BBS5: variants seen among roughly 807,000 people sequenced by gnomAD.
BBS5 encodes Bardet-Biedl syndrome 5, also known as BBSome complex member BBS5.
In BBS5, 39 loss-of-function variants were observed where a neutral mutation model predicts 50.2. The ratio of observed to expected loss-of-function variants is 0.78; its 90% CI spans 0.60 to 1.01. The LOEUF (loss-of-function observed/expected upper bound fraction) is 1.01. Ranked by LOEUF, BBS5 falls within the 50% of genes least tolerant of loss-of-function variation. The probability of loss-of-function intolerance (pLI) is 0.00; values close to 1 mark genes in which losing one functional copy is unlikely to be tolerated. For synonymous variants in BBS5, 134 were observed against 133.1 expected (o/e 1.01, Z -0.05); for missense variants, 356 against 401.5 (o/e 0.89, Z 0.97).
At position 169,504,553 on chromosome 2, in the gene BBS5, C is replaced by T. The variant is rs1683866639; in HGVS notation, c.997C>T (p.Leu333=). The T allele has an allele frequency of 6.2e-7, 1 of 1,613,520 alleles. No individual in the cohort carries two copies. The highest frequency in any genetic ancestry group is 8.5e-7 in the Non-Finnish European group (1 of 1,179,476). Residue 333 remains leucine, a synonymous_variant, in exon 12 of 12, where the codon CTA becomes TTA. Coordinates refer to ENST00000295240, the MANE Select transcript of BBS5 (RefSeq NM_152384.3). ...AGAGAAATTGAAGGATGGATTCACC[C>T]TACAGGGACTTTGGGAAGTAATGAG... ...AIEKLKDGFT[L]QGLWEVMS
chr2:169,497,644 A>G lies in BBS5; in HGVS notation c.636A>G (p.Arg212=). 2 of 1,596,384 alleles carry G rather than the reference A, an allele frequency of 1.3e-6. No individual in the cohort carries two copies. Among genetic ancestry groups the G allele is most frequent in the Non-Finnish European group, 1.7e-6 (2 of 1,164,292 alleles). The change falls in exon 8 of 12, where the codon AGA becomes AGG. Residue 212 remains arginine (R), a synonymous_variant. Coordinates refer to ENST00000295240, the MANE Select transcript of BBS5 (RefSeq NM_152384.3). ...GTATCTAGCGTTCAATAAAGATTAG[A>G]GATTCAAAATTTGGTTTAGCTCTTG... The part of the protein sequence containing the change: ...PYLQIRSIKI[R]DSKFGLALVI...
intron 5 of BBS5, among the ~76,000 whole-genome samples, chr2:169,491,738 C>T (rs1683605586): frequency 6.6e-6 from 1 of 151,844 alleles, no homozygotes; most frequent in Admixed American, 6.6e-5. Context: ...AGTACAGATT[C>T]ATTCTAGTTT....
At chr2:169,479,708 C>A in intron 1 of BBS5, 96 bp downstream of exon 1, 2 of 1,374,026 alleles carry the variant, frequency 1.5e-6, no homozygotes, top group Middle Eastern at 1.9e-4. Flanking sequence ...CTCCGCAGCT[C>A]GCGGCCCTGG....
At chr2:169,501,562 C>T (rs1024648603) in intron 9 of BBS5, among the ~76,000 whole-genome samples, 2 of 152,018 alleles carry the variant, frequency 1.3e-5, no homozygotes, top group Admixed American at 6.6e-5. Flanking sequence ...CATAGTGACA[C>T]CCTGTCTCTA....
intron 3 of BBS5, 135 bp from the exon 4 acceptor site, chr2:169,487,671 C>A: frequency 1.7e-6 from 1 of 583,116 alleles, no homozygotes; most frequent in Non-Finnish European, 2.9e-6. Flanking sequence ...TTCTTTAAAA[C>A]TTTTAAAAGT....
chr2:169,485,553 A>G (rs925557839), intron 2 of BBS5, among the ~76,000 whole-genome samples: 2 of 151,758 alleles, frequency 1.3e-5, no homozygotes, highest in Non-Finnish European at 2.9e-5. Context: ...CCCACCCCCA[A>G]CTCTACTGCC....
At chr2:169,494,684 A>G (rs1335689272) in intron 7 of BBS5, among the ~76,000 whole-genome samples, 1 of 152,230 alleles carries the variant, frequency 6.6e-6, no homozygotes, top group Non-Finnish European at 1.5e-5. Context: ...ACTCAGTGAA[A>G]CAAACTGTAA....
chr2:169,487,245 A>T (rs533687485), intron 3 of BBS5, 111 bp downstream of exon 3: 4 of 760,026 alleles, frequency 5.3e-6, no homozygotes, highest in Non-Finnish European at 8.9e-6. Flanking sequence ...AAAATAAAAA[A>T]CCTTCAGAAA....
chr2:169,487,248 T>G, intron 3 of BBS5, 114 bp downstream of exon 3: 3 of 754,556 alleles, frequency 4.0e-6, no homozygotes, highest in Non-Finnish European at 6.8e-6. Context: ...ATAAAAAACC[T>G]TCAGAAATCC....
At chr2:169,501,243 A>C (rs1683795544) in intron 9 of BBS5, among the ~76,000 whole-genome samples, 1 of 152,218 alleles carries the variant, frequency 6.6e-6, no homozygotes, top group Admixed American at 6.5e-5. Flanking sequence ...AAAACTTTGA[A>C]GTATTCCTTC....
rs988585212 is a variant in BBS5 at position 169,479,544 on chromosome 2, C to T, written c.-10C>T. 3.7e-6 allele frequency: 6 copies of T among 1,614,046 alleles called. No homozygotes were observed. In the Admixed American group the frequency reaches 6.7e-5, roughly 18 times the overall value. The stretch of plus-strand genomic sequence containing the variant: ...GCTGTGGAGAGATCCTGCCACGGGC[C>T]TTGTTCACCATGTCGGTGCTGGATG... On this transcript the variant is annotated 5_prime_UTR_variant, in exon 1 of 12. Transcript: ENST00000295240.
intron 5 of BBS5, among the ~76,000 whole-genome samples, chr2:169,489,017 G>A (rs1305554664): frequency 2.0e-5 from 3 of 151,868 alleles, no homozygotes; most frequent in Admixed American, 6.6e-5. Flanking sequence ...ATAGAGGTAG[G>A]GTCCTGCTTT....
chr2:169,493,022 G>A lies in BBS5; in HGVS notation c.522+13G>A, dbSNP rs1683626741. The A allele has an allele frequency of 6.2e-7, 1 of 1,613,258 alleles. No homozygotes were observed. Among genetic ancestry groups the A allele is most frequent in the Non-Finnish European group, 8.5e-7 (1 of 1,179,660 alleles). On this transcript the variant is annotated intron_variant, in intron 6 of 11. Coordinates refer to ENST00000295240, the MANE Select transcript of BBS5 (RefSeq NM_152384.3). ...ATCCAGTGATCAGGTATTGTGCAAAGAGCTAGTGAACCTTTTGGGACAGTG... is the reference window on the plus strand; with the variant it reads ...ATCCAGTGATCAGGTATTGTGCAAAAAGCTAGTGAACCTTTTGGGACAGTG...
Position 169,505,110 on chromosome 2 carries a change from A to T in BBS5, c.*528A>T. ...CCTGCGATTACAGGCGCGCGCCGCC[A>T]CACCTGACTGGTTTTCGTATTTTTT... On this transcript the variant is annotated 3_prime_UTR_variant, in exon 12 of 12. Transcript: ENST00000295240. 4 of 922,932 alleles carry T rather than the reference A, an allele frequency of 4.3e-6. No individual in the cohort carries two copies. The highest frequency in any genetic ancestry group is 6.8e-6 in the Non-Finnish European group (4 of 585,152). The allele number at this position is 922,932 out of a possible 1,614,324, so 57.2% of individuals were successfully genotyped here.
At chr2:169,487,047 T>A (rs1365743067) in intron 2 of BBS5, 22 bp from the exon 3 acceptor site, 2 of 1,577,864 alleles carry the variant, frequency 1.3e-6, no homozygotes, top group East Asian at 2.2e-5. Flanking sequence ...AGTTAACCTA[T>A]TTTTTGTCTG....
chr2:169,490,996 G>A (rs1683586721), intron 5 of BBS5, among the ~76,000 whole-genome samples: 2 of 152,156 alleles, frequency 1.3e-5, no homozygotes, highest in Non-Finnish European at 2.9e-5. Flanking sequence ...AGTAGTAGTA[G>A]TTCATTCCTT....
At chr2:169,490,029 C>A (rs1156532567) in intron 5 of BBS5, among the ~76,000 whole-genome samples, 1 of 150,368 alleles carries the variant, frequency 6.7e-6, no homozygotes, top group Non-Finnish European at 1.5e-5. Context: ...GTGCCCACCA[C>A]CACGCCTGGC....
chr2:169,505,016 C>CT lies in BBS5; in HGVS notation c.*435dup. 6.3e-7 allele frequency: 1 copy of CT among 1,594,732 alleles called. No individual in the cohort carries two copies. The highest frequency in any genetic ancestry group is 8.6e-7 in the Non-Finnish European group (1 of 1,167,276). On this transcript the variant is annotated 3_prime_UTR_variant, in exon 12 of 12. Coordinates refer to ENST00000295240, the MANE Select transcript of BBS5 (RefSeq NM_152384.3). ...TCTTCCCAAAATGGCCGAAGCTGGA[C>CT]TGTACTGCTGCCATCTCTGGCTCAC...
chr2:169,496,589 G>A (rs906261223), intron 7 of BBS5, among the ~76,000 whole-genome samples: 2 of 151,972 alleles, frequency 1.3e-5, no homozygotes, highest in African/African-American at 2.4e-5. Context: ...CAAAAAATTG[G>A]CCGGGCGCGG....
Sources: gnomAD v4.1 joint callset for allele counts (sites outside exome capture counted in the v4.1 genomes callset) on GRCh38, gnomAD v4.1.1 for gene constraint, MANE v1.5 for transcripts, NCBI Gene and HGNC (gene_info 2026-07-23, HGNC 2026-07-21) for gene names.